The following SENP2 variants were observed in gnomAD, a reference collection of about 807,000 sequenced individuals.
SENP2 encodes SUMO specific peptidase 2, also known as sentrin-specific protease 2.
Under a neutral mutation model 86.3 loss-of-function variants are expected in SENP2, and 16 were observed. That is an observed-to-expected ratio of 0.19 (90% CI 0.13 to 0.28). SENP2 has a LOEUF of 0.28. Among genes scored for constraint, SENP2 ranks in the 10% least tolerant of loss-of-function variants. SENP2 has a pLI of 1.00. For missense variants in SENP2, 552 were observed against 703.0 expected (o/e 0.79, Z 2.43); for synonymous variants, 222 against 238.7 (o/e 0.93, Z 0.64).
chr3:185,626,286 T>G lies in SENP2; in HGVS notation c.1612-12T>G. The G allele has an allele frequency of 6.4e-7, 1 of 1,573,854 alleles. No individual in the cohort carries two copies. Among genetic ancestry groups the G allele is most frequent in the Non-Finnish European group, 8.7e-7 (1 of 1,148,668 alleles). On this transcript the variant is annotated splice_polypyrimidine_tract_variant and intron_variant, in intron 15 of 16. Transcript: ENST00000296257. ...TACCCTTTCCTCTCTTCTTTTTTCT[T>G]TGTAATTTTAGGAGATTCCTCAACA... is the stretch of plus-strand genomic sequence containing the variant.
At position 185,629,658 on chromosome 3, in the gene SENP2, TA is replaced by T. The variant is rs780202512; in HGVS notation, c.1708-119del. The T allele has an allele frequency of 1.8e-5, 16 of 880,094 alleles. No homozygotes were observed. In the East Asian group the frequency reaches 3.7e-4, roughly 20 times the overall value. The allele number at this position is 880,094 out of a possible 1,614,324, so 54.5% of individuals were successfully genotyped here. A position where few individuals can be genotyped will look rare whatever the true frequency, so the allele number is the denominator to read the frequency against. On this transcript the variant is annotated intron_variant, in intron 16 of 16. Coordinates refer to ENST00000296257, the MANE Select transcript of SENP2 (RefSeq NM_021627.3). ...GGTTTTATAAGTATGTTCCATGATG[TA>T]AAAATGTCAACACTTAGAAAAAGCA...
At chr3:185,602,910 ACTT>A (rs1319867409) in intron 5 of SENP2, among the ~76,000 whole-genome samples, 1 of 118,816 alleles carries the variant, frequency 8.4e-6, no homozygotes, top group Non-Finnish European at 1.7e-5. Flanking sequence ...CTTACACGTT[ACTT>A]TTTTTTTTTT....
Position 185,619,405 on chromosome 3 carries a change from G to T in SENP2, c.1349G>T (p.Gly450Val). The T allele has an allele frequency of 6.2e-7, 1 of 1,614,026 alleles. No individual in the cohort carries two copies. The highest frequency in any genetic ancestry group is 8.5e-7 in the Non-Finnish European group (1 of 1,179,910). Residue 450 changes from glycine (G) to valine (V), a missense_variant, in exon 13 of 17, where the codon GGT (glycine) becomes GTT (valine). Gly to Val is a moderately radical substitution (Grantham distance 109, BLOSUM62 -3). Coordinates refer to ENST00000296257, the MANE Select transcript of SENP2 (RefSeq NM_021627.3). ...TTCTATCCTAAATTAAAGTCTGGGG[G>T]TTACCAAGCAGTGAAACGATGGACC... ...TFFYPKLKSGGYQAVKRWTKG... is the reference protein window; with the variant it reads ...TFFYPKLKSGVYQAVKRWTKG...
chr3:185,629,307 T>G (rs144496173), intron 16 of SENP2, among the ~76,000 whole-genome samples: 67 of 152,298 alleles, frequency 4.4e-4, no homozygotes, highest in African/African-American at 1.6e-3. Flanking sequence ...CTGTGGTGGC[T>G]TTTGCCTATA....
chr3:185,627,444 G>A (rs1013911376), intron 16 of SENP2, among the ~76,000 whole-genome samples: 2 of 152,204 alleles, frequency 1.3e-5, no homozygotes, highest in South Asian at 2.1e-4. Flanking sequence ...ATGGAGTCTC[G>A]CTTTGTTGCC....
At chr3:185,587,459 A>G (rs905449733) in intron 1 of SENP2, among the ~76,000 whole-genome samples, 1 of 151,234 alleles carries the variant, frequency 6.6e-6, no homozygotes, top group Admixed American at 6.6e-5. Flanking sequence ...TTTAGCATCT[A>G]CTCTTTGGAG....
chr3:185,601,041 C>CTTTTTTTTTTTTTTTTTTTTTTTT, intron 5 of SENP2, among the ~76,000 whole-genome samples, 186 bp downstream of exon 5: 1 of 75,530 alleles, frequency 1.3e-5, no homozygotes. Flanking sequence ...CTTTTCTTGT[C>CTTTTTTTTTTTTTTTTTTTTTTTT]TTTTTTTTTT....
chr3:185,588,069 T>C (rs1721857023), intron 1 of SENP2, among the ~76,000 whole-genome samples: 1 of 131,830 alleles, frequency 7.6e-6, no homozygotes, highest in East Asian at 2.2e-4. Flanking sequence ...TTTTTTTTTT[T>C]TTTTTTGAGG....
intron 13 of SENP2, among the ~76,000 whole-genome samples, chr3:185,621,175 AAAG>A (rs1432782649): frequency 2.7e-5 from 4 of 147,942 alleles, no homozygotes; most frequent in East Asian, 2.0e-4. Context: ...AAAAAAAAAA[AAAG>A]AGAGAGAGAA....
At chr3:185,612,440 T>A (rs1379426683) in intron 8 of SENP2, 167 bp from the exon 9 acceptor site, 9 of 547,636 alleles carry the variant, frequency 1.6e-5, no homozygotes, top group Non-Finnish European at 3.0e-5. Context: ...ATGTATGCAT[T>A]TTTTTAGGCA....
chr3:185,609,089 C>G (rs2148988462), intron 6 of SENP2, 158 bp from the exon 7 acceptor site: 1 of 555,506 alleles, frequency 1.8e-6, no homozygotes, highest in South Asian at 2.5e-5. Context: ...TCAAAGGAGG[C>G]TAGATTATTT....
chr3:185,602,798 A>C (rs1270843566), intron 5 of SENP2, among the ~76,000 whole-genome samples: 2 of 130,638 alleles, frequency 1.5e-5, no homozygotes, highest in African/African-American at 6.0e-5. Flanking sequence ...ACACCACTGC[A>C]CTCCAGCCTG....
At chr3:185,622,935 G>A (rs1053277259) in intron 14 of SENP2, among the ~76,000 whole-genome samples, 1 of 149,368 alleles carries the variant, frequency 6.7e-6, no homozygotes, top group Non-Finnish European at 1.5e-5. Context: ...TCGTTCCTCG[G>A]CCTCCCAAGA....
chr3:185,594,540 A>G (rs1722111744), intron 2 of SENP2, among the ~76,000 whole-genome samples: 1 of 151,852 alleles, frequency 6.6e-6, no homozygotes, highest in Non-Finnish European at 1.5e-5. Context: ...GTACAACTCC[A>G]TTGGTTGCTT....
At chr3:185,611,272 G>A (rs1028645547) in intron 7 of SENP2, among the ~76,000 whole-genome samples, 2 of 152,200 alleles carry the variant, frequency 1.3e-5, no homozygotes, top group African/African-American at 2.4e-5. Flanking sequence ...GCGAGACTCC[G>A]TCTCAAAAAA....
intron 16 of SENP2, among the ~76,000 whole-genome samples, chr3:185,628,640 G>A (rs535584008): frequency 1.8e-4 from 28 of 152,260 alleles, no homozygotes; most frequent in African/African-American, 6.7e-4. Context: ...CCAAGTAACC[G>A]TGATTACAGG....
In SENP2 at chr3:185,626,359, A is replaced by G. The variant is rs748172312; in HGVS notation, c.1673A>G (p.Tyr558Cys). The G allele has an allele frequency of 6.2e-7, 1 of 1,612,050 alleles. No individual in the cohort carries two copies. Among genetic ancestry groups the G allele is most frequent in the East Asian group, 2.2e-5 (1 of 44,872 alleles). Reference protein sequence around the residue: ...CGMFTCKYADYISRDKPITFT... With the variant: ...CGMFTCKYADCISRDKPITFT... ...ATGTTTACTTGTAAATATGCAGATTATATTTCTAGGGACAAACCTATCACA... is the reference window on the plus strand; with the variant it reads ...ATGTTTACTTGTAAATATGCAGATTGTATTTCTAGGGACAAACCTATCACA... Residue 558 changes from tyrosine (Y) to cysteine (C), a missense_variant, in exon 16 of 17, where the codon TAT becomes TGT. Physicochemically the swap from Tyr to Cys is radical, Grantham distance 194. Around this residue, in one of 2 missense-constraint regions of SENP2, gnomAD observed 169 missense variants for 275.7 expected, o/e 0.61. Coordinates refer to ENST00000296257, the MANE Select transcript of SENP2 (RefSeq NM_021627.3).
chr3:185,587,570 A>ATTTTTT lies in SENP2; in HGVS notation c.101+1065_101+1070dup, dbSNP rs398052522. On this transcript the variant is annotated intron_variant, in intron 1 of 16. Transcript: ENST00000296257. Reference sequence around the variant, plus strand: ...CTTCAACTTTAGTGATCAAGTGTTAATTTTTTTTTTTTTTGAGAAGGAGTC... The same window carrying ATTTTTT: ...CTTCAACTTTAGTGATCAAGTGTTAATTTTTTTTTTTTTTTTTTTTGAGAAGGAGTC... 1.0e-4 allele frequency among the ~76,000 whole-genome samples: 12 copies of ATTTTTT among 118,836 alleles called. 2 individuals carry two copies. The highest frequency in any genetic ancestry group is 6.8e-4 in the South Asian group (2 of 2,942). The allele number at this position is 118,836 out of a possible 152,430, so 78.0% of individuals were successfully genotyped here.
intron 2 of SENP2, among the ~76,000 whole-genome samples, chr3:185,594,060 T>G: frequency 6.6e-6 from 1 of 152,148 alleles, no homozygotes; most frequent in South Asian, 2.1e-4. Flanking sequence ...CAGGTGATGT[T>G]GGCTTTACAT....
Sources: allele counts gnomAD v4.1 joint callset (sites outside exome capture counted in the v4.1 genomes callset), GRCh38; gene constraint gnomAD v4.1.1; regional missense constraint gnomAD v4.1.1; transcripts MANE v1.5; gene names NCBI Gene and HGNC (gene_info 2026-07-23, HGNC 2026-07-21).